UBE3C: variants seen among roughly 807,000 people sequenced by gnomAD.
UBE3C encodes ubiquitin-protein ligase E3C.
A neutral mutation model predicts 129.4 loss-of-function variants in UBE3C; 42 were observed. That is an observed-to-expected ratio of 0.32 (90% confidence interval 0.25 to 0.42). The LOEUF (loss-of-function observed/expected upper bound fraction) is 0.42, where lower values mean the gene tolerates loss of function less well. Ranked by LOEUF, UBE3C falls within the 10% of genes least tolerant of loss-of-function variation. The pLI is 1.00. For synonymous variants in UBE3C, 510 were observed against 492.4 expected (o/e 1.04, Z -0.47); for missense variants, 1,049 against 1,319.1 (o/e 0.80, Z 3.17).
At chr7:157,197,152 C>G (rs1010736211) in intron 10 of UBE3C, among the ~76,000 whole-genome samples, 1 of 152,140 alleles carries the variant, frequency 6.6e-6, no homozygotes, top group African/African-American at 2.4e-5. Flanking sequence ...ATTTCAAAAT[C>G]AAACTAGACA....
chr7:157,191,769 T>C lies in UBE3C; in HGVS notation c.1331+4748T>C, dbSNP rs374462803. 5.3e-5 allele frequency among the ~76,000 whole-genome samples: 8 copies of C among 152,310 alleles called. No individual in the cohort carries two copies. In the East Asian group the frequency reaches 5.8e-4, roughly 11 times the overall value. Reference sequence around the variant, plus strand: ...GACTTCAAAGCAGAAAAATACAGATTTGTTTTTCATTGTATGTGTAGAATT... The same window carrying C: ...GACTTCAAAGCAGAAAAATACAGATCTGTTTTTCATTGTATGTGTAGAATT... On this transcript the variant is annotated intron_variant, in intron 10 of 22. Coordinates refer to ENST00000348165, the MANE Select transcript of UBE3C (RefSeq NM_014671.3).
intron 21 of UBE3C, 47 bp from the exon 22 acceptor site, chr7:157,256,867 G>T: frequency 6.2e-7 from 1 of 1,610,660 alleles, no homozygotes; most frequent in Non-Finnish European, 8.5e-7. Context: ...GTCCTGAAGG[G>T]TGGGTGTGCT....
chr7:157,183,841 T>C (rs1364844525), intron 8 of UBE3C, 37 bp from the exon 9 acceptor site: 1 of 1,576,918 alleles, frequency 6.3e-7, no homozygotes, highest in African/African-American at 1.4e-5. Flanking sequence ...AAAATAATGT[T>C]TAACTAAAAT....
rs1341661614 is a variant in UBE3C, at chr7:157,171,248, A to G, written c.342+798A>G. Among the ~76,000 whole-genome samples the G allele has an allele frequency of 2.0e-5, 3 of 152,098 alleles. No individual in the cohort carries two copies. In the East Asian group the frequency reaches 5.8e-4, roughly 29 times the overall value. On this transcript the variant is annotated intron_variant, in intron 4 of 22. Coordinates refer to ENST00000348165, the MANE Select transcript of UBE3C (RefSeq NM_014671.3). ...TCAAGCAATCGGTGGTGTCTCAGCCACCTAAGTAGCTGGAATTACAGGCGT... is the reference window on the plus strand; with the variant it reads ...TCAAGCAATCGGTGGTGTCTCAGCCGCCTAAGTAGCTGGAATTACAGGCGT...
chr7:157,151,686 C>T (rs1807760900), intron 1 of UBE3C, among the ~76,000 whole-genome samples: 1 of 152,130 alleles, frequency 6.6e-6, no homozygotes, highest in Admixed American at 6.5e-5. Flanking sequence ...TGTAACAATG[C>T]AAATTCACTG....
chr7:157,189,252 CT>C (rs1409151033), intron 10 of UBE3C: 1 of 307,716 alleles, frequency 3.2e-6, no homozygotes, highest in Non-Finnish European at 5.8e-6. Flanking sequence ...AGGTGAATGA[CT>C]TAATATTTTA....
At chr7:157,199,992 A>T (rs1262937610) in intron 10 of UBE3C, among the ~76,000 whole-genome samples, 1 of 152,174 alleles carries the variant, frequency 6.6e-6, no homozygotes, top group Non-Finnish European at 1.5e-5. Flanking sequence ...GAATGAATGC[A>T]GTGTGCCCCC....
intron 11 of UBE3C, among the ~76,000 whole-genome samples, chr7:157,204,398 CAAAAAAA>C (rs35298527): frequency 2.1e-4 from 18 of 86,362 alleles, no homozygotes; most frequent in Admixed American, 3.9e-4. Context: ...AACTTTGTTT[CAAAAAAA>C]AAAAAAAAAA....
intron 3 of UBE3C, among the ~76,000 whole-genome samples, 187 bp from the exon 4 acceptor site, chr7:157,170,117 G>GTTTTTTTTTTT (rs146750630): frequency 7.4e-6 from 1 of 134,880 alleles, no homozygotes; most frequent in African/African-American, 2.8e-5. Flanking sequence ...ACCATGCCTG[G>GTTTTTTTTTTT]TTTTTTTTTT....
chr7:157,176,125 T>C (rs6970923), intron 5 of UBE3C, among the ~76,000 whole-genome samples: 1 of 152,166 alleles, frequency 6.6e-6, no homozygotes, highest in Non-Finnish European at 1.5e-5. Flanking sequence ...TATGTAAATA[T>C]AATTATTCTT....
chr7:157,248,094 C>T (rs561498995), intron 18 of UBE3C, among the ~76,000 whole-genome samples: 1 of 152,180 alleles, frequency 6.6e-6, no homozygotes, highest in Admixed American at 6.5e-5. Flanking sequence ...GCTTCTGTCT[C>T]ACAAGAAGGA....
chr7:157,263,914 T>C (rs1417054579), intron 22 of UBE3C, among the ~76,000 whole-genome samples: 2 of 152,014 alleles, frequency 1.3e-5, no homozygotes, highest in Non-Finnish European at 2.9e-5. Context: ...CCTACATGAG[T>C]GTGTGTTAAT....
chr7:157,138,977 G>A lies in UBE3C; in HGVS notation c.-296G>A, dbSNP rs991060772. On this transcript the variant is annotated 5_prime_UTR_variant, in exon 1 of 23. In the 5' UTR this introduces an upstream ATG that the reference lacks. Transcript: ENST00000348165. ...TTCCCTCCCGAGGCGGCAGTTCCAG[G>A]TGCAAGCGCCGGGTTTGCTGCCCGC... The A allele has an allele frequency of 2.0e-5, 3 of 152,656 alleles. No homozygotes were observed. Among genetic ancestry groups the A allele is most frequent in the African/African-American group, 7.2e-5 (3 of 41,422 alleles). The allele number at this position is 152,656 out of a possible 1,614,324, so 9.5% of individuals were successfully genotyped here. A position where few individuals can be genotyped will look rare whatever the true frequency, so the allele number is the denominator to read the frequency against.
intron 18 of UBE3C, among the ~76,000 whole-genome samples, chr7:157,232,028 A>G (rs1223636371): frequency 1.3e-5 from 2 of 152,190 alleles, no homozygotes; most frequent in Admixed American, 1.3e-4. Context: ...TAGAGGCTCT[A>G]GAAGAATCCA....
intron 1 of UBE3C, among the ~76,000 whole-genome samples, chr7:157,149,850 T>C (rs1807710804): frequency 6.6e-6 from 1 of 152,172 alleles, no homozygotes; most frequent in South Asian, 2.1e-4. Flanking sequence ...TCTTTGACTG[T>C]GACCCCTGTT....
At chr7:157,226,381 A>C (rs189818437) in intron 17 of UBE3C, among the ~76,000 whole-genome samples, 4 of 152,238 alleles carry the variant, frequency 2.6e-5, no homozygotes, top group Non-Finnish European at 5.9e-5. Context: ...TTCGTGTGCT[A>C]TTAACCTCTA....
chr7:157,158,589 G>T (rs747704668), intron 1 of UBE3C, among the ~76,000 whole-genome samples: 1 of 152,216 alleles, frequency 6.6e-6, no homozygotes, highest in Non-Finnish European at 1.5e-5. Context: ...TTTGTCTAAT[G>T]ATTTAGCTCA....
At chr7:157,160,431 C>G (rs1808039618) in intron 1 of UBE3C, among the ~76,000 whole-genome samples, 1 of 152,072 alleles carries the variant, frequency 6.6e-6, no homozygotes. Context: ...GGGGGGATGC[C>G]TTCTGTTTGT....
intron 17 of UBE3C, among the ~76,000 whole-genome samples, chr7:157,230,328 A>G (rs1795988376): frequency 6.6e-6 from 1 of 152,088 alleles, no homozygotes; most frequent in African/African-American, 2.4e-5. Flanking sequence ...TCCCTGAACC[A>G]CATTGGAAGA....
Sources: allele counts gnomAD v4.1 joint callset (sites outside exome capture counted in the v4.1 genomes callset), GRCh38; gene constraint gnomAD v4.1.1; transcripts MANE v1.5; gene names NCBI Gene and HGNC (gene_info 2026-07-23, HGNC 2026-07-21).